Variants in SEPHS1 observed in about 807,000 individuals in gnomAD.
SEPHS1 encodes the protein zincore component SEPHS1.
SEPHS1 carries 7 observed loss-of-function variants against 39.2 expected under a neutral mutation model. That is an observed-to-expected ratio of 0.18 (90% CI 0.10 to 0.34). SEPHS1 has a LOEUF of 0.34. SEPHS1 is among the 10% of genes least tolerant of loss of function. SEPHS1 has a pLI of 1.00. For missense variants in SEPHS1, 253 were observed against 514.5 expected, an observed-to-expected ratio of 0.49 and a Z score of 4.92; for synonymous variants, 190 against 195.5, an observed-to-expected ratio of 0.97 and a Z score of 0.23.
At chr10:13,328,192 G>A (rs1419295735) in intron 7 of SEPHS1, among the ~76,000 whole-genome samples, 159 bp downstream of exon 7, 1 of 152,202 alleles carries the variant, frequency 6.6e-6, no homozygotes, top group African/African-American at 2.4e-5. Flanking sequence ...ACCATCTGCA[G>A]TGATCTATGG....
At chr10:13,336,384 C>G (rs372937968) in intron 3 of SEPHS1, 34 bp from the exon 4 acceptor site, 13 of 1,506,242 alleles carry the variant, frequency 8.6e-6, no homozygotes, top group Non-Finnish European at 4.6e-6. Flanking sequence ...AAAGGACGAC[C>G]GGGGACTTTC....
At chr10:13,336,056 GAT>G (rs1833623304) in intron 4 of SEPHS1, among the ~76,000 whole-genome samples, 185 bp downstream of exon 4, 1 of 151,502 alleles carries the variant, frequency 6.6e-6, no homozygotes, top group African/African-American at 2.4e-5. Context: ...GAAGTGCAGA[GAT>G]GACTAGGCCA....
intron 2 of SEPHS1, among the ~76,000 whole-genome samples, chr10:13,343,625 C>T (rs1229947638): frequency 6.6e-6 from 1 of 151,844 alleles, no homozygotes; most frequent in Non-Finnish European, 1.5e-5. Flanking sequence ...AACAGCCTGG[C>T]CAACATGGTA....
chr10:13,336,124 T>A, intron 4 of SEPHS1, 119 bp downstream of exon 4: 1 of 623,750 alleles, frequency 1.6e-6, no homozygotes, highest in Non-Finnish European at 2.9e-6. Context: ...CCAGAAGGAG[T>A]GCAGGGAGCC....
At chr10:13,329,621 T>C in intron 6 of SEPHS1, 77 bp downstream of exon 6, 1 of 1,137,832 alleles carries the variant, frequency 8.8e-7, no homozygotes, top group Non-Finnish European at 1.3e-6. Context: ...AAAAACCTCA[T>C]TTCCCAAATC....
intron 8 of SEPHS1, chr10:13,321,998 T>G: frequency 2.2e-6 from 1 of 451,214 alleles, no homozygotes; most frequent in Non-Finnish European, 4.4e-6. Flanking sequence ...GATGGCTCTC[T>G]CTACCTACGC....
chr10:13,336,460 A>C lies in SEPHS1; in HGVS notation c.298-110T>G, dbSNP rs1346608928. ...GAGAACGTGGAGACTTTCCAGGAGT[A>C]GCAGCTACTAGGATGGGGTCCTCAG... On this transcript the variant is annotated intron_variant, in intron 3 of 8. Transcript: ENST00000327347. The C allele has an allele frequency of 3.9e-6, 3 of 770,384 alleles. No homozygotes were observed. The African/African-American group carries it at 5.2e-5, about 13-fold the overall frequency. The allele number at this position is 770,384 out of a possible 1,614,324, so 47.7% of individuals were successfully genotyped here. A position where few individuals can be genotyped will look rare whatever the true frequency, so the allele number is the denominator to read the frequency against.
At chr10:13,328,194 G>C (rs1833360517) in intron 7 of SEPHS1, among the ~76,000 whole-genome samples, 157 bp downstream of exon 7, 1 of 152,186 alleles carries the variant, frequency 6.6e-6, no homozygotes, top group Non-Finnish European at 1.5e-5. Context: ...CATCTGCAGT[G>C]ATCTATGGAA....
intron 1 of SEPHS1, among the ~76,000 whole-genome samples, chr10:13,347,524 G>C (rs1833961959): frequency 3.4e-5 from 5 of 146,262 alleles, no homozygotes; most frequent in Admixed American, 2.7e-4. Flanking sequence ...GGCGGGCACC[G>C]CGCGTGCGGC....
intron 4 of SEPHS1, among the ~76,000 whole-genome samples, chr10:13,335,766 G>C (rs1455951942): frequency 1.3e-5 from 2 of 151,994 alleles, no homozygotes; most frequent in Non-Finnish European, 2.9e-5. Context: ...GATTACCTGA[G>C]GTCAGGAGTT....
intron 2 of SEPHS1, among the ~76,000 whole-genome samples, chr10:13,343,195 T>A (rs1228112088): frequency 6.6e-6 from 1 of 152,198 alleles, no homozygotes; most frequent in Non-Finnish European, 1.5e-5. Context: ...CATTGGTTTT[T>A]GAGCATTAAG....
chr10:13,342,215 G>A (rs1174405228), intron 2 of SEPHS1, among the ~76,000 whole-genome samples: 9 of 151,130 alleles, frequency 6.0e-5, no homozygotes, highest in East Asian at 5.8e-4. Context: ...TGCAATGAGC[G>A]GAGATCGCGC....
At chr10:13,332,583 C>G (rs1306613301) in intron 5 of SEPHS1, among the ~76,000 whole-genome samples, 1 of 152,136 alleles carries the variant, frequency 6.6e-6, no homozygotes, top group East Asian at 1.9e-4. Flanking sequence ...GTGGCTCACG[C>G]CTGTAATCCC....
chr10:13,344,429 T>C (rs558571356), intron 2 of SEPHS1, among the ~76,000 whole-genome samples: 1 of 152,306 alleles, frequency 6.6e-6, no homozygotes, highest in Non-Finnish European at 1.5e-5. Flanking sequence ...AGTACCCCTC[T>C]TGATGCGTTT....
chr10:13,337,374 C>T (rs1833670955), intron 3 of SEPHS1, among the ~76,000 whole-genome samples: 1 of 151,932 alleles, frequency 6.6e-6, no homozygotes, highest in African/African-American at 2.4e-5. Flanking sequence ...TTTTTATTGC[C>T]ACTGGAGATT....
intron 3 of SEPHS1, 92 bp from the exon 4 acceptor site, chr10:13,336,442 T>C (rs1833637454): frequency 1.1e-6 from 1 of 946,496 alleles, no homozygotes; most frequent in Non-Finnish European, 1.7e-6. Context: ...ACAGAGAACG[T>C]GGAGACTTTC....
intron 4 of SEPHS1, among the ~76,000 whole-genome samples, chr10:13,334,311 C>T (rs140828557): frequency 3.9e-5 from 6 of 152,192 alleles, no homozygotes; most frequent in East Asian, 1.9e-4. Flanking sequence ...GAGGCTGAGG[C>T]GGGCAGATCA....
chr10:13,325,939 TCAGTCTCAAAAAAAAAAAAAAAA>T (rs1564444613), intron 7 of SEPHS1, among the ~76,000 whole-genome samples: 2,276 of 25,864 alleles, frequency 0.088, 147 homozygotes, highest in African/African-American at 0.24. Context: ...AAAAAGAGAC[TCAGTCTCAAAAAAAAAAAAAAAA>T]AATAATAATA....
At chr10:13,336,839 G>C (rs1053270906) in intron 3 of SEPHS1, among the ~76,000 whole-genome samples, 37 of 152,272 alleles carry the variant, frequency 2.4e-4, no homozygotes, top group African/African-American at 8.2e-4. Flanking sequence ...TAGTCTTTGT[G>C]CACTTGGATT....
Sources: gnomAD v4.1 joint callset for allele counts (sites outside exome capture counted in the v4.1 genomes callset) on GRCh38, gnomAD v4.1.1 for gene constraint, MANE v1.5 for transcripts, NCBI Gene and HGNC (gene_info 2026-07-23, HGNC 2026-07-21) for gene names.